The following CHRNE variants were observed in gnomAD, a reference collection of about 807,000 sequenced individuals.
CHRNE encodes the protein cholinergic receptor nicotinic epsilon subunit.
Under a neutral mutation model 56.5 loss-of-function variants are expected in CHRNE, and 58 were observed. That is an observed-to-expected ratio of 1.03 (90% CI 0.83 to 1.28). The LOEUF (loss-of-function observed/expected upper bound fraction) is 1.28, where lower values mean the gene tolerates loss of function less well. Ranked by LOEUF, CHRNE falls within the 50% of genes most tolerant of loss-of-function variation. The probability of loss-of-function intolerance (pLI) is 0.00; values close to 1 mark genes in which losing one functional copy is unlikely to be tolerated. For missense variants in CHRNE, 793 were observed against 688.9 expected, an observed-to-expected ratio of 1.15 and a Z score of -1.69; for synonymous variants, 385 against 297.9, an observed-to-expected ratio of 1.29 and a Z score of -3.01.
At position 4,900,407 on chromosome 17, in the gene CHRNE, G is replaced by A. The variant is rs1431684993; in HGVS notation, c.917+386C>T. On this transcript the variant is annotated intron_variant, in intron 8 of 11. Coordinates refer to ENST00000649488, the MANE Select transcript of CHRNE (RefSeq NM_000080.4). ...GCGCCAGCGCCCGGCTCCTAGTCCA[G>A]GGAGCATGGCTATGCCTGTGTGGAC... 3 of 1,550,798 alleles carry A rather than the reference G, an allele frequency of 1.9e-6. No homozygotes were observed. The East Asian group carries it at 7.3e-5, about 38-fold the overall frequency.
At chr17:4,899,172 C>A in intron 10 of CHRNE, 26 bp downstream of exon 10, 3 of 1,592,990 alleles carry the variant, frequency 1.9e-6, no homozygotes, top group Non-Finnish European at 2.6e-6. Context: ...CCGCGCGGCC[C>A]CCCGGGCCAG....
intron 8 of CHRNE, 33 bp downstream of exon 8, chr17:4,900,736 TTGGCCACGCCCCCACCCTTCACAC>T (rs1054386676): frequency 3.4e-5 from 52 of 1,547,956 alleles, no homozygotes; most frequent in African/African-American, 1.2e-4. Flanking sequence ...TCTCTGGGTT[TTGGCCACGCCCCCACCCTTCACAC>T]TGGCCACACC....
At position 4,898,831 on chromosome 17, in the gene CHRNE, G is replaced by A; in HGVS notation, c.1387C>T (p.Leu463=). 6.3e-7 allele frequency: 1 copy of A among 1,598,122 alleles called. No individual in the cohort carries two copies. The highest frequency in any genetic ancestry group is 8.5e-7 in the Non-Finnish European group (1 of 1,173,168). The stretch of plus-strand genomic sequence containing the variant: ...CTGGAGCCCACGCTGAAGAGCACCA[G>A]AGCGGCCCAGAAGCAGATGTTGTCA... ...ALDNICFWAA[L]VLFSVGSSLI... The change falls in exon 12 of 12, where the codon CTG becomes TTG. Residue 463 remains leucine (L), a synonymous_variant. Coordinates refer to ENST00000649488, the MANE Select transcript of CHRNE (RefSeq NM_000080.4).
Position 4,899,264 on chromosome 17 carries a change from T to A in CHRNE, c.1153A>T (p.Ile385Leu). The change falls in exon 10 of 12, where the codon ATA becomes TTA. Residue 385 changes from isoleucine (I) to leucine (L), a missense_variant. By Grantham distance (5) the Ile-to-Leu change is conservative. Coordinates refer to ENST00000649488, the MANE Select transcript of CHRNE (RefSeq NM_000080.4). ...AGCTCGCTCCGTGGCTTTTTCAGTA[T>A]CAGCTCCTCCGCGCGGAGCAATAAG... ...VGLLLRAEEL[I>L]LKKPRSELVF... is the part of the protein sequence containing the mutation. 6.2e-7 allele frequency: 1 copy of A among 1,603,910 alleles called. No homozygotes were observed. The highest frequency in any genetic ancestry group is 1.1e-5 in the South Asian group (1 of 90,734).
Position 4,900,863 on chromosome 17 carries a change from G to A in CHRNE, c.847C>T (p.Gln283Ter), listed in dbSNP as rs773929089. The change falls in exon 8 of 12, where the codon CAG becomes TAG. Residue 283 changes from glutamine to a stop codon, truncating the protein, a stop_gained. Transcript: ENST00000649488. LOFTEE classifies it high-confidence loss of function. Reference sequence around the variant, plus strand: ...GCAATGAGGAACAAGAAGACGGTCTGGGCGAGCAGGACGTTGATGGAGACC... The same window carrying A: ...GCAATGAGGAACAAGAAGACGGTCTAGGCGAGCAGGACGTTGATGGAGACC... The part of the protein sequence containing the change: ...CTVSINVLLA[Q>*]TVFLFLIAQK... 9 of 1,614,216 alleles carry A rather than the reference G, an allele frequency of 5.6e-6. No homozygotes were observed. Among genetic ancestry groups the A allele is most frequent in the Non-Finnish European group, 5.9e-6 (7 of 1,180,018 alleles).
chr17:4,902,763 C>A lies in CHRNE; in HGVS notation c.47G>T (p.Gly16Val), dbSNP rs1350672260. 6.2e-7 allele frequency: 1 copy of A among 1,613,934 alleles called. No individual in the cohort carries two copies. The highest frequency in any genetic ancestry group is 1.3e-5 in the African/African-American group (1 of 74,866). Residue 16 changes from glycine to valine, a missense_variant and splice_region_variant, in exon 2 of 12, where the codon GGC becomes GTC. By Grantham distance (109) the Gly-to-Val change is moderately radical. Coordinates refer to ENST00000649488, the MANE Select transcript of CHRNE (RefSeq NM_000080.4). This position sits in a 1 kb window ranked among gnomAD's most constrained non-coding sequence, Gnocchi z 4.0. ...LGVLLLLGLL[G>V]RGVGKNEELR... Reference sequence around the variant, plus strand: ...TTCCTCGTTCTTCCCCACACCCCTGCCTGCGATGGGGTCAAGAAGGAAGGG... The same window carrying A: ...TTCCTCGTTCTTCCCCACACCCCTGACTGCGATGGGGTCAAGAAGGAAGGG...
At chr17:4,900,676 G>A (rs549915994) in intron 8 of CHRNE, 117 bp downstream of exon 8, 5 of 1,450,228 alleles carry the variant, frequency 3.4e-6, no homozygotes, top group Non-Finnish European at 4.7e-6. Flanking sequence ...CCCACCCAGC[G>A]TCCGAATAAA....
In CHRNE at chr17:4,900,148, G is replaced by A. The variant is rs1252985364; in HGVS notation, c.918-566C>T. On this transcript the variant is annotated intron_variant, in intron 8 of 11. Coordinates refer to ENST00000649488, the MANE Select transcript of CHRNE (RefSeq NM_000080.4). ...GCTTCGGCACCACCTTGTTAGAGGT[G>A]GGGTACTGGGGGGCTTAGGATACGC... 2.6e-6 allele frequency: 4 copies of A among 1,548,400 alleles called. No homozygotes were observed. In the African/African-American group the frequency reaches 5.5e-5, roughly 21 times the overall value.
In CHRNE at chr17:4,898,777, G is replaced by A. The variant is rs775550642; in HGVS notation, c.1441C>T (p.Arg481Ter). ...GGCGCGTAGGGGAGATCAGGCACTC[G>A]GTTGAAGTAGGCCCCGAGGAAGATG... ...SLIFLGAYFN[R>*]VPDLPYAPCI... The change falls in exon 12 of 12, where the codon CGA becomes TGA. Residue 481 changes from arginine (R) to a stop codon, truncating the protein, a stop_gained. Coordinates refer to ENST00000649488, the MANE Select transcript of CHRNE (RefSeq NM_000080.4). LOFTEE classifies it high-confidence loss of function. 5 of 1,609,942 alleles carry A rather than the reference G, an allele frequency of 3.1e-6. No homozygotes were observed. Among genetic ancestry groups the A allele is most frequent in the Non-Finnish European group, 4.2e-6 (5 of 1,178,584 alleles).
At chr17:4,907,696 C>T (rs935906951), upstream of CHRNE, among the ~76,000 whole-genome samples, 3 of 151,936 alleles carry the variant, frequency 2.0e-5, no homozygotes, top group East Asian at 1.9e-4. Flanking sequence ...TTAAGCACCA[C>T]AACTACATCA....
Position 4,898,496 on chromosome 17 carries a change from G to C in CHRNE, c.*240C>G. On this transcript the variant is annotated 3_prime_UTR_variant, in exon 12 of 12. Coordinates refer to ENST00000649488, the MANE Select transcript of CHRNE (RefSeq NM_000080.4). Reference sequence around the variant, plus strand: ...GGTCAGCAAGGCTGAATGAAGGGCAGTCCTTGCTTTCTGGAAGACTGGCAC... The same window carrying C: ...GGTCAGCAAGGCTGAATGAAGGGCACTCCTTGCTTTCTGGAAGACTGGCAC... 1.7e-6 allele frequency: 1 copy of C among 587,252 alleles called. No individual in the cohort carries two copies. Among genetic ancestry groups the C allele is most frequent in the East Asian group, 2.9e-5 (1 of 33,954 alleles). 36.4% of individuals were successfully genotyped at this position (587,252 alleles called of 1,614,324 possible).
intron 6 of CHRNE, 34 bp downstream of exon 6, chr17:4,901,491 G>A: frequency 6.3e-7 from 1 of 1,597,584 alleles, no homozygotes; most frequent in South Asian, 1.1e-5. Context: ...ACCCCGTCTA[G>A]AAGCGGGTTT....
At chr17:4,907,691 C>T (rs1314196072), upstream of CHRNE, among the ~76,000 whole-genome samples, 1 of 151,910 alleles carries the variant, frequency 6.6e-6, no homozygotes, top group East Asian at 1.9e-4. Context: ...TCAACTTAAG[C>T]ACCACAACTA....
rs75492003 is a variant in CHRNE, at chr17:4,899,152, G to A, written c.1220-45C>T. 0.1 allele frequency: 164,339 copies of A among 1,595,022 alleles called. 15,468 individuals are homozygous for A. The highest frequency in any genetic ancestry group is 0.48 in the East Asian group (21,092 of 44,096). On this transcript the variant is annotated intron_variant, in intron 10 of 11. Coordinates refer to ENST00000649488, the MANE Select transcript of CHRNE (RefSeq NM_000080.4). ...GGTGGGCCTTAGGAGCCTCCCCCCTGGCAGGCACCCCGCGCGGCCCCCCGG... is the reference window on the plus strand; with the variant it reads ...GGTGGGCCTTAGGAGCCTCCCCCCTAGCAGGCACCCCGCGCGGCCCCCCGG...
At chr17:4,905,594 T>A (rs139210976), upstream of CHRNE, among the ~76,000 whole-genome samples, 1 of 151,786 alleles carries the variant, frequency 6.6e-6, no homozygotes, top group East Asian at 1.9e-4. Flanking sequence ...ATGCGGTGGC[T>A]CAACACCTGT....
chr17:4,907,936 G>A (rs1449061695), upstream of CHRNE, among the ~76,000 whole-genome samples: 2 of 152,114 alleles, frequency 1.3e-5, no homozygotes, highest in African/African-American at 4.8e-5. Flanking sequence ...CAGCACTTTG[G>A]GAGGCCGAGG....
intron 6 of CHRNE, 49 bp from the exon 7 acceptor site, chr17:4,901,239 C>T (rs1380175949): frequency 6.3e-7 from 1 of 1,581,086 alleles, no homozygotes; most frequent in South Asian, 1.1e-5. Flanking sequence ...GGGCGCCCGC[C>T]GAGCTGACAG....
chr17:4,898,874 C>T lies in CHRNE; in HGVS notation c.1344G>A (p.Val448=), dbSNP rs143098859. 3.5e-5 allele frequency: 55 copies of T among 1,583,298 alleles called. No homozygotes were observed. The highest frequency in any genetic ancestry group is 4.6e-5 in the East Asian group (2 of 43,728). ...TGTTGTCAAGGGCATTCCCCATGCG[C>T]ACCCAGTCGGACACTTCCTGGGGAA... is the stretch of plus-strand genomic sequence containing the variant. ...EATGEEVSDW[V]RMGNALDNIC... The change falls in exon 12 of 12, where the codon GTG becomes GTA. Residue 448 remains valine, a synonymous_variant. Transcript: ENST00000649488.
Position 4,899,558 on chromosome 17 carries a change from G to A in CHRNE, c.942C>T (p.Val314=), listed in dbSNP as rs748155593. 3 of 1,593,574 alleles carry A rather than the reference G, an allele frequency of 1.9e-6. No homozygotes were observed. Among genetic ancestry groups the A allele is most frequent in the South Asian group, 2.3e-5 (2 of 87,154 alleles). The change falls in exon 9 of 12, where the codon GTC becomes GTT. Residue 314 remains valine (V), a synonymous_variant. Transcript: ENST00000649488. ...LGRFLIFVMV[V]ATLIVMNCVI... ...CGCAATTCATGACAATGAGCGTGGC[G>A]ACCACCATGACGAAAATAAGGAACC...
Sources: gnomAD v4.1 joint callset for allele counts (sites outside exome capture counted in the v4.1 genomes callset) on GRCh38, gnomAD v4.1.1 for gene constraint, Gnocchi (gnomAD v3.1) non-coding constraint, MANE v1.5 for transcripts, NCBI Gene and HGNC (gene_info 2026-07-23, HGNC 2026-07-21) for gene names.